ADAMTSL1: variants seen among roughly 807,000 people sequenced by gnomAD.
ADAMTSL1 encodes ADAMTS-like protein 1.
In ADAMTSL1, 126 loss-of-function variants were observed where a neutral mutation model predicts 201.8. The ratio of observed to expected loss-of-function variants is 0.62; its 90% confidence interval spans 0.54 to 0.72. ADAMTSL1 has a LOEUF of 0.72. Ranked by LOEUF, ADAMTSL1 falls within the 30% of genes least tolerant of loss-of-function variation. ADAMTSL1 has a pLI of 0.00. For missense variants in ADAMTSL1, 2,679 were observed against 2,277.8 expected (o/e 1.18, Z -3.59); for synonymous variants, 1,121 against 903.4 (o/e 1.24, Z -4.32).
chr9:17,972,601 G>A (rs1818258134), intron 1 of ADAMTSL1, among the ~76,000 whole-genome samples: 1 of 151,766 alleles, frequency 6.6e-6, no homozygotes, highest in African/African-American at 2.4e-5. Flanking sequence ...CTTTGCTGTT[G>A]TGAATAGTGC....
chr9:18,807,899 T>C (rs553884640), intron 20 of ADAMTSL1, among the ~76,000 whole-genome samples: 1 of 152,324 alleles, frequency 6.6e-6, no homozygotes, highest in Admixed American at 6.5e-5. Context: ...AAACTAGTAC[T>C]AGTTAATATC....
chr9:18,276,271 C>A (rs1250554490), intron 2 of ADAMTSL1, among the ~76,000 whole-genome samples: 1 of 152,016 alleles, frequency 6.6e-6, no homozygotes, highest in South Asian at 2.1e-4. Flanking sequence ...ATATGTTTAG[C>A]AAATGTTTTA....
chr9:18,556,352 T>C (rs1373169935), intron 3 of ADAMTSL1, among the ~76,000 whole-genome samples: 1 of 152,084 alleles, frequency 6.6e-6, no homozygotes, highest in South Asian at 2.1e-4. Context: ...TGTCTCTATG[T>C]TTTTGAACAT....
intron 10 of ADAMTSL1, among the ~76,000 whole-genome samples, chr9:18,676,569 T>C (rs1187540283): frequency 6.6e-6 from 1 of 152,064 alleles, no homozygotes; most frequent in East Asian, 1.9e-4. Flanking sequence ...TTATAATATA[T>C]TCATAAGAAA....
intron 9 of ADAMTSL1, 141 bp downstream of exon 9, chr9:18,662,214 T>TAA: frequency 2.6e-6 from 3 of 1,154,100 alleles, no homozygotes; most frequent in Non-Finnish European, 3.6e-6. Flanking sequence ...TCATTACTAA[T>TAA]CACGTGTTAT....
intron 19 of ADAMTSL1, among the ~76,000 whole-genome samples, chr9:18,779,328 C>T (rs1262491858): frequency 6.6e-6 from 1 of 152,238 alleles, no homozygotes; most frequent in African/African-American, 2.4e-5. Flanking sequence ...AATACTGCCT[C>T]TCAGCCTTAG....
intron 1 of ADAMTSL1, among the ~76,000 whole-genome samples, chr9:17,982,101 T>G (rs1232400726): frequency 6.6e-6 from 1 of 152,192 alleles, no homozygotes; most frequent in Non-Finnish European, 1.5e-5. Context: ...AGTTCTCTTT[T>G]AAATACTGGT....
chr9:18,064,583 T>C (rs1822609621), intron 1 of ADAMTSL1, among the ~76,000 whole-genome samples: 1 of 152,186 alleles, frequency 6.6e-6, no homozygotes, highest in Non-Finnish European at 1.5e-5. Flanking sequence ...AGAGCAGAAC[T>C]TCTCTCTCCT....
intron 15 of ADAMTSL1, among the ~76,000 whole-genome samples, chr9:18,744,025 T>G (rs538098204): frequency 1.9e-4 from 29 of 152,322 alleles, no homozygotes; most frequent in African/African-American, 7.0e-4. Flanking sequence ...GAAAATCACT[T>G]GTTTCTCTGA....
At chr9:18,387,734 A>G (rs1341667744) in intron 2 of ADAMTSL1, among the ~76,000 whole-genome samples, 1 of 152,050 alleles carries the variant, frequency 6.6e-6, no homozygotes, top group Non-Finnish European at 1.5e-5. Context: ...TTTAAGACAG[A>G]TTACCAGGCC....
At chr9:18,124,358 G>A (rs561493799) in intron 1 of ADAMTSL1, among the ~76,000 whole-genome samples, 2 of 152,078 alleles carry the variant, frequency 1.3e-5, no homozygotes, top group African/African-American at 2.4e-5. Flanking sequence ...TAGGATTACA[G>A]GTGTGCGCCA....
At chr9:18,336,461 GA>G (rs910600163) in intron 2 of ADAMTSL1, among the ~76,000 whole-genome samples, 5 of 152,052 alleles carry the variant, frequency 3.3e-5, no homozygotes, top group Non-Finnish European at 5.9e-5. Flanking sequence ...TTTTCAAAAA[GA>G]AAGTAAAACT....
At chr9:18,201,024 T>A (rs1587296154) in intron 2 of ADAMTSL1, among the ~76,000 whole-genome samples, 1 of 152,062 alleles carries the variant, frequency 6.6e-6, no homozygotes, top group East Asian at 1.9e-4. Flanking sequence ...AGGAATGGTA[T>A]CAAGTTATGA....
chr9:18,090,525 A>G (rs1823964972), intron 1 of ADAMTSL1, among the ~76,000 whole-genome samples: 1 of 152,226 alleles, frequency 6.6e-6, no homozygotes, highest in Admixed American at 6.5e-5. Context: ...TTCCATTTAT[A>G]TGAGGTACCC....
At chr9:18,045,807 C>G (rs1454247624) in intron 1 of ADAMTSL1, among the ~76,000 whole-genome samples, 1 of 151,530 alleles carries the variant, frequency 6.6e-6, no homozygotes, top group Non-Finnish European at 1.5e-5. Flanking sequence ...TCACTTGGTG[C>G]CTTTATTTTC....
intron 2 of ADAMTSL1, among the ~76,000 whole-genome samples, chr9:18,438,991 G>GTT (rs68149030): frequency 2.2e-4 from 32 of 146,390 alleles, no homozygotes; most frequent in African/African-American, 5.3e-4. Flanking sequence ...TTGTTGACAG[G>GTT]TTTTTTTTTT....
At chr9:18,681,150 G>T (rs192718820) in intron 11 of ADAMTSL1, 1 of 152,638 alleles carries the variant, frequency 6.6e-6, no homozygotes, top group Admixed American at 6.5e-5. Flanking sequence ...TGTGCCCTCC[G>T]CCTCAGAAAT....
chr9:18,383,138 A>G (rs1468377175), intron 2 of ADAMTSL1, among the ~76,000 whole-genome samples: 3 of 152,176 alleles, frequency 2.0e-5, no homozygotes, highest in African/African-American at 7.2e-5. Flanking sequence ...TTCCTAATCT[A>G]TTAATTCTAT....
intron 23 of ADAMTSL1, among the ~76,000 whole-genome samples, chr9:18,838,966 T>C (rs1213680217): frequency 1.3e-5 from 2 of 151,572 alleles, no homozygotes; most frequent in East Asian, 3.9e-4. Flanking sequence ...TTAGGTGCTG[T>C]TCAAGTATCT....
Sources: allele counts gnomAD v4.1 joint callset (sites outside exome capture counted in the v4.1 genomes callset), GRCh38; gene constraint gnomAD v4.1.1; transcripts MANE v1.5; gene names NCBI Gene and HGNC (gene_info 2026-07-23, HGNC 2026-07-21).